Variants in LSM2 observed in about 807,000 individuals in gnomAD.
LSM2 encodes the protein U6 snRNA-associated Sm-like protein LSm2.
In LSM2, 12 loss-of-function variants were observed where a neutral mutation model predicts 17.0. That is an observed-to-expected ratio of 0.70 (90% CI 0.45 to 1.14). The LOEUF (loss-of-function observed/expected upper bound fraction) is 1.14, where lower values mean the gene tolerates loss of function less well. Ranked by LOEUF, LSM2 falls within the 50% of genes most tolerant of loss-of-function variation. LSM2 has a pLI of 0.00. For synonymous variants in LSM2, 42 were observed against 44.5 expected, an observed-to-expected ratio of 0.94 and a Z score of 0.22; for missense variants, 62 against 111.8, an observed-to-expected ratio of 0.55 and a Z score of 2.01.
intron 1 of LSM2, 167 bp downstream of exon 1, chr6:31,806,588 C>G (rs1437377268): frequency 4.4e-6 from 4 of 917,574 alleles, no homozygotes; most frequent in African/African-American, 1.7e-5. Context: ...AAAAAATATC[C>G]CATTTGTTCT....
At chr6:31,800,858 C>T (rs1002727805) in intron 2 of LSM2, among the ~76,000 whole-genome samples, 8 of 151,254 alleles carry the variant, frequency 5.3e-5, no homozygotes. Context: ...TACACTCCAG[C>T]CTGGGTGACA....
chr6:31,806,115 C>A lies in LSM2; in HGVS notation c.31G>T (p.Val11Leu). 1.2e-6 allele frequency: 2 copies of A among 1,612,908 alleles called. No homozygotes were observed. Among genetic ancestry groups the A allele is most frequent in the South Asian group, 1.1e-5 (1 of 91,074 alleles). Reference sequence around the variant, plus strand: ...AGTTCCACGACCACATCCTTGCCCACAAGGGACTTGAAAAAAGAATAGAAG... The same window carrying A: ...AGTTCCACGACCACATCCTTGCCCAAAAGGGACTTGAAAAAAGAATAGAAG... MLFYSFFKSL[V>L]GKDVVVELKN... is the part of the protein sequence containing the mutation. The change falls in exon 2 of 5, where the codon GTG becomes TTG. Residue 11 changes from valine to leucine, a missense_variant. Transcript: ENST00000375661.
At chr6:31,806,718 C>T (rs773814286) in intron 1 of LSM2, 37 bp downstream of exon 1, 10 of 1,607,262 alleles carry the variant, frequency 6.2e-6, no homozygotes, top group Non-Finnish European at 7.6e-6. Context: ...CATGCGAGGT[C>T]CCCGAGGGCG....
rs1814450666 is a variant in LSM2, at chr6:31,797,660, C to CT, written c.*96_*97insA. 1 of 1,563,730 alleles carries CT rather than the reference C, an allele frequency of 6.4e-7. No individual in the cohort carries two copies. The highest frequency in any genetic ancestry group is 8.7e-7 in the Non-Finnish European group (1 of 1,153,812). On this transcript the variant is annotated 3_prime_UTR_variant, in exon 5 of 5. Coordinates refer to ENST00000375661, the MANE Select transcript of LSM2 (RefSeq NM_021177.5). Reference sequence around the variant, plus strand: ...CACAAAACCATCATTAGTAAAAAAACAAAACCCCTTCAAGTATTGGGGGTT... The same window carrying CT: ...CACAAAACCATCATTAGTAAAAAAACTAAAACCCCTTCAAGTATTGGGGGTT...
At chr6:31,803,884 T>C (rs1814856958) in intron 2 of LSM2, among the ~76,000 whole-genome samples, 1 of 151,954 alleles carries the variant, frequency 6.6e-6, no homozygotes, top group Non-Finnish European at 1.5e-5. Flanking sequence ...CTGGCCTAAA[T>C]GTACATATTA....
At chr6:31,802,108 G>A (rs1033376118) in intron 2 of LSM2, among the ~76,000 whole-genome samples, 8 of 151,498 alleles carry the variant, frequency 5.3e-5, no homozygotes, top group African/African-American at 1.7e-4. Flanking sequence ...GGTGAAACCC[G>A]ATGTCTACTA....
intron 1 of LSM2, chr6:31,806,345 C>T (rs1016009642): frequency 1.6e-6 from 1 of 613,182 alleles, no homozygotes; most frequent in East Asian, 2.7e-5. Context: ...GAGCCCATCA[C>T]TTAAAGTCCC....
chr6:31,801,271 G>T (rs1230027640), intron 2 of LSM2, among the ~76,000 whole-genome samples: 1 of 151,462 alleles, frequency 6.6e-6, no homozygotes, highest in Non-Finnish European at 1.5e-5. Context: ...GAGACAGAGG[G>T]TGAGTCTCTG....
At chr6:31,800,118 C>T (rs1336199272) in intron 2 of LSM2, among the ~76,000 whole-genome samples, 2 of 152,016 alleles carry the variant, frequency 1.3e-5, no homozygotes, top group African/African-American at 2.4e-5. Context: ...GGGCGAATCA[C>T]GAGGTCAGGA....
intron 2 of LSM2, among the ~76,000 whole-genome samples, chr6:31,799,206 C>T (rs375288633): frequency 3.1e-4 from 47 of 152,212 alleles, no homozygotes; most frequent in South Asian, 2.1e-3. Context: ...GAACTTCAGT[C>T]CAAGTCTGTG....
At position 31,806,890 on chromosome 6, in the gene LSM2, G is replaced by C; in HGVS notation, c.-133C>G. On this transcript the variant is annotated 5_prime_UTR_variant, in exon 1 of 5. Coordinates refer to ENST00000375661, the MANE Select transcript of LSM2 (RefSeq NM_021177.5). ...CGCAGGCGCAGCGGGAAGCGACGCA[G>C]AAAGCTCCAAGCGCTGACGGGCAAA... 1.6e-6 allele frequency: 2 copies of C among 1,250,876 alleles called. No individual in the cohort carries two copies. Among genetic ancestry groups the C allele is most frequent in the Non-Finnish European group, 2.2e-6 (2 of 923,356 alleles). The allele number at this position is 1,250,876 out of a possible 1,614,324, so 77.5% of individuals were successfully genotyped here. A position where few individuals can be genotyped will look rare whatever the true frequency, so the allele number is the denominator to read the frequency against.
intron 1 of LSM2, 104 bp from the exon 2 acceptor site, chr6:31,806,246 T>G: frequency 9.7e-7 from 1 of 1,035,348 alleles, no homozygotes; most frequent in Non-Finnish European, 1.4e-6. Flanking sequence ...CCCCACTGCA[T>G]CCCTGACAGT....
In LSM2 at chr6:31,806,149, GGA is replaced by G. The variant is rs1374793975; in HGVS notation, c.4-9_4-8del. The G allele has an allele frequency of 1.2e-6, 2 of 1,612,560 alleles. No homozygotes were observed. Among genetic ancestry groups the G allele is most frequent in the Admixed American group, 1.7e-5 (1 of 59,972 alleles). ...TGAAAAAAGAATAGAAGAGCTATTG[GGA>G]GAGAGGGGGAAAACCATCATGTGGG... On this transcript the variant is annotated splice_region_variant and splice_polypyrimidine_tract_variant and intron_variant, in intron 1 of 4. Coordinates refer to ENST00000375661, the MANE Select transcript of LSM2 (RefSeq NM_021177.5).
chr6:31,804,763 CTTTTTTTT>C (rs9279424), intron 2 of LSM2, among the ~76,000 whole-genome samples: 11 of 104,876 alleles, frequency 1.0e-4, no homozygotes, highest in African/African-American at 2.5e-4. Flanking sequence ...TCTTTTTTTT[CTTTTTTTT>C]TTTTTTTTTT....
At chr6:31,798,156 A>G in intron 3 of LSM2, 107 bp from the exon 4 acceptor site, 1 of 1,055,296 alleles carries the variant, frequency 9.5e-7, no homozygotes, top group Non-Finnish European at 1.3e-6. Context: ...ATCTCGGCTC[A>G]CTGCAATCTC....
chr6:31,803,679 C>T (rs977570306), intron 2 of LSM2, among the ~76,000 whole-genome samples: 1 of 151,664 alleles, frequency 6.6e-6, no homozygotes, highest in African/African-American at 2.4e-5. Context: ...CTCCCGGGTT[C>T]ATGTGATTCT....
chr6:31,802,229 G>A (rs1173337955), intron 2 of LSM2, among the ~76,000 whole-genome samples: 1 of 151,342 alleles, frequency 6.6e-6, no homozygotes, highest in Non-Finnish European at 1.5e-5. Context: ...GCAGTGACCC[G>A]AGATCATGCC....
chr6:31,805,189 C>T (rs1480084916), intron 2 of LSM2, among the ~76,000 whole-genome samples: 3 of 151,892 alleles, frequency 2.0e-5, no homozygotes, highest in African/African-American at 4.8e-5. Context: ...CTCAGCCTCC[C>T]GAATAGCTGA....
At chr6:31,798,085 T>C (rs201422522) in intron 3 of LSM2, 36 bp from the exon 4 acceptor site, 10 of 402,272 alleles carry the variant, frequency 2.5e-5, no homozygotes, top group Non-Finnish European at 3.2e-5. Context: ...ATTATTATTA[T>C]TTTTTTTTTT....
Sources: allele counts gnomAD v4.1 joint callset (sites outside exome capture counted in the v4.1 genomes callset), GRCh38; gene constraint gnomAD v4.1.1; transcripts MANE v1.5; gene names NCBI Gene and HGNC (gene_info 2026-07-23, HGNC 2026-07-21).